FRMD4A: variants seen among roughly 807,000 people sequenced by gnomAD.
FRMD4A encodes the protein FERM domain containing 4A.
A neutral mutation model predicts 129.1 loss-of-function variants in FRMD4A; 29 were observed. That is an observed-to-expected ratio of 0.22 (90% confidence interval 0.17 to 0.31). The LOEUF (loss-of-function observed/expected upper bound fraction) is 0.31, where lower values mean the gene tolerates loss of function less well. Ranked by LOEUF, FRMD4A falls within the 10% of genes least tolerant of loss-of-function variation. The probability of loss-of-function intolerance (pLI) is 1.00; values close to 1 mark genes in which losing one functional copy is unlikely to be tolerated. For missense variants in FRMD4A, 1,272 were observed against 1,375.8 expected, an observed-to-expected ratio of 0.92 and a Z score of 1.19; for synonymous variants, 634 against 571.6, an observed-to-expected ratio of 1.11 and a Z score of -1.56.
rs2095201684 is a variant in FRMD4A, at chr10:13,931,953, A to G, written c.46-73041T>C. Among the ~76,000 whole-genome samples, 4 of 133,496 alleles carry G rather than the reference A, an allele frequency of 3.0e-5. No homozygotes were observed. The South Asian group carries it at 9.3e-4, about 31-fold the overall frequency. 87.6% of individuals were successfully genotyped at this position (133,496 alleles called of 152,430 possible). On this transcript the variant is annotated intron_variant, in intron 2 of 24. Coordinates refer to ENST00000357447, the MANE Select transcript of FRMD4A (RefSeq NM_018027.5). ...AATAGAGCAAGACTCTGTCTCAAAA[A>G]CCAACCAACCAACCAACCAACCAAC...
chr10:13,795,874 C>T (rs1161286071), intron 5 of FRMD4A, among the ~76,000 whole-genome samples: 1 of 152,184 alleles, frequency 6.6e-6, no homozygotes, highest in Non-Finnish European at 1.5e-5. Context: ...CATAAGACAG[C>T]TGCAAATATT....
chr10:14,302,525 C>G (rs2132091893), intron 2 of FRMD4A, among the ~76,000 whole-genome samples: 1 of 152,320 alleles, frequency 6.6e-6, no homozygotes, highest in African/African-American at 2.4e-5. Context: ...CTTCTCTTCA[C>G]TTCAGCTTCC....
At chr10:13,679,829 C>T (rs562219918) in intron 15 of FRMD4A, among the ~76,000 whole-genome samples, 49 of 152,216 alleles carry the variant, frequency 3.2e-4, no homozygotes, top group Middle Eastern at 3.4e-3. Flanking sequence ...ACTAAGCAAA[C>T]GTGGCCACCA....
rs139776779 is a variant in FRMD4A, at chr10:13,920,037, A to G, written c.46-61125T>C. Among the ~76,000 whole-genome samples, 29 of 152,328 alleles carry G rather than the reference A, an allele frequency of 1.9e-4. No individual in the cohort carries two copies. The East Asian group carries it at 2.9e-3, about 15-fold the overall frequency. ...ACAATAGGGACCATCAAAGAAGCCA[A>G]TTAGAACTTCAGAAACTATATCCCC... On this transcript the variant is annotated intron_variant, in intron 2 of 24. Coordinates refer to ENST00000357447, the MANE Select transcript of FRMD4A (RefSeq NM_018027.5).
chr10:13,697,257 A>C (rs1589425679), intron 14 of FRMD4A, among the ~76,000 whole-genome samples: 1 of 151,470 alleles, frequency 6.6e-6, no homozygotes, highest in Non-Finnish European at 1.5e-5. Context: ...CCTGGGTTCA[A>C]GCGATTCTCC....
At chr10:13,829,050 C>T (rs1013697066) in intron 3 of FRMD4A, among the ~76,000 whole-genome samples, 4 of 152,282 alleles carry the variant, frequency 2.6e-5, no homozygotes, top group Admixed American at 2.6e-4. Context: ...TTTCCATAGA[C>T]GTTGCATGAA....
intron 2 of FRMD4A, among the ~76,000 whole-genome samples, chr10:14,196,210 G>A (rs1383724757): frequency 6.6e-6 from 1 of 151,868 alleles, no homozygotes; most frequent in Non-Finnish European, 1.5e-5. Flanking sequence ...AGCAGTCATG[G>A]AAATATGGCA....
At chr10:13,743,767 G>A (rs2091142617) in intron 9 of FRMD4A, among the ~76,000 whole-genome samples, 1 of 152,004 alleles carries the variant, frequency 6.6e-6, no homozygotes, top group Non-Finnish European at 1.5e-5. Context: ...CTTAAACATG[G>A]TGGGCTTATC....
intron 2 of FRMD4A, among the ~76,000 whole-genome samples, chr10:14,177,554 T>C (rs1368730038): frequency 1.3e-5 from 2 of 152,210 alleles, no homozygotes; most frequent in East Asian, 1.9e-4. Flanking sequence ...CCTGCCCCGC[T>C]GCCTCCTGGC....
intron 2 of FRMD4A, among the ~76,000 whole-genome samples, chr10:13,904,908 G>C (rs559142478): frequency 7.2e-6 from 1 of 139,572 alleles, no homozygotes; most frequent in Non-Finnish European, 1.5e-5. Flanking sequence ...CAGGAGAATC[G>C]CTTGAACCCG....
chr10:13,651,757 CAT>C, intron 24 of FRMD4A, 144 bp downstream of exon 24: 3 of 629,960 alleles, frequency 4.8e-6, no homozygotes, highest in Non-Finnish European at 5.8e-6. Flanking sequence ...CAGCTAAAAA[CAT>C]AGTTCCAGTT....
chr10:14,174,866 AGTGTGTGTGTGTCTGTGTGT>A (rs1449780206), intron 2 of FRMD4A, among the ~76,000 whole-genome samples: 3,962 of 139,604 alleles, frequency 0.028, 97 homozygotes, highest in Middle Eastern at 0.055. Flanking sequence ...TAAAAAAAAA[AGTGTGTGTGTGTCTGTGTGT>A]GTGTGTGTGT....
intron 2 of FRMD4A, among the ~76,000 whole-genome samples, chr10:13,898,892 G>A (rs2094788168): frequency 6.6e-6 from 1 of 152,140 alleles, no homozygotes; most frequent in Non-Finnish European, 1.5e-5. Flanking sequence ...CCTTTAAAAT[G>A]AGCCTGGGAG....
rs1840029485 is a variant in FRMD4A at position 14,145,446 on chromosome 10, T to C, written c.45+184612A>G. 1.3e-5 allele frequency among the ~76,000 whole-genome samples: 2 copies of C among 152,174 alleles called. 1 individual carries two copies. Among genetic ancestry groups the C allele is most frequent in the South Asian group, 4.1e-4 (2 of 4,828 alleles). On this transcript the variant is annotated intron_variant, in intron 2 of 24. Transcript: ENST00000357447. The stretch of plus-strand genomic sequence containing the variant: ...TGCTCTTTAAGAGGGCTGTGGACAA[T>C]GACCAGTGACCGCATATGTCCAGAA...
At chr10:13,703,561 G>A (rs2087083971) in intron 13 of FRMD4A, among the ~76,000 whole-genome samples, 1 of 152,138 alleles carries the variant, frequency 6.6e-6, no homozygotes, top group Admixed American at 6.5e-5. Context: ...TCCTATTACT[G>A]CAGTTCTGAC....
At chr10:13,767,490 C>T (rs1005019884) in intron 6 of FRMD4A, among the ~76,000 whole-genome samples, 1 of 152,168 alleles carries the variant, frequency 6.6e-6, no homozygotes, top group Non-Finnish European at 1.5e-5. Context: ...CCACCCACCT[C>T]GGCTTCCCAA....
intron 2 of FRMD4A, chr10:14,087,524 A>C (rs1207127897): frequency 6.6e-6 from 1 of 152,096 alleles, no homozygotes; most frequent in Non-Finnish European, 1.5e-5. Context: ...GCGCTTCCAC[A>C]CTTTTCATCT....
At chr10:13,914,800 A>G (rs2094981528) in intron 2 of FRMD4A, among the ~76,000 whole-genome samples, 1 of 152,192 alleles carries the variant, frequency 6.6e-6, no homozygotes, top group African/African-American at 2.4e-5. Flanking sequence ...ATGCAATATT[A>G]GTATATGAAA....
At chr10:13,838,864 C>T (rs1017308895) in intron 3 of FRMD4A, among the ~76,000 whole-genome samples, 7 of 151,940 alleles carry the variant, frequency 4.6e-5, no homozygotes, top group Admixed American at 2.6e-4. Flanking sequence ...GGACATTGCC[C>T]GTTTTCTTTA....
Sources: gnomAD v4.1 joint callset for allele counts (sites outside exome capture counted in the v4.1 genomes callset) on GRCh38, gnomAD v4.1.1 for gene constraint, MANE v1.5 for transcripts, NCBI Gene and HGNC (gene_info 2026-07-23, HGNC 2026-07-21) for gene names.